LRP2: variants seen among roughly 807,000 people sequenced by gnomAD.
The protein encoded by LRP2 is low-density lipoprotein receptor-related protein 2.
In LRP2, 172 loss-of-function variants were observed where a neutral mutation model predicts 531.0. The observed-to-expected ratio is 0.32, with a 90% CI of 0.29 to 0.37. The LOEUF (loss-of-function observed/expected upper bound fraction) is 0.37, where lower values mean the gene tolerates loss of function less well. LRP2 is among the 10% of genes least tolerant of loss of function. LRP2 has a pLI of 1.00. For missense variants in LRP2, 5,167 were observed against 5,868.3 expected (o/e 0.88, Z 3.90); for synonymous variants, 1,992 against 2,027.6 (o/e 0.98, Z 0.47).
At chr2:169,160,685 A>AAAAAAAAAAAAAAAAAAAAACAC (rs970862922) in intron 63 of LRP2, among the ~76,000 whole-genome samples, 1 of 94,234 alleles carries the variant, frequency 1.1e-5, no homozygotes, top group Non-Finnish European at 2.2e-5. Flanking sequence ...ATTTCCTTAA[A>AAAAAAAAAAAAAAAAAAAAACAC]AAAAAAAAAA....
intron 1 of LRP2, among the ~76,000 whole-genome samples, chr2:169,353,039 T>C (rs920045958): frequency 1.3e-5 from 2 of 152,114 alleles, no homozygotes; most frequent in Non-Finnish European, 2.9e-5. Context: ...GAAAGTAAAA[T>C]AAAATAAAAT....
At chr2:169,282,530 G>A (rs535538573) in intron 10 of LRP2, among the ~76,000 whole-genome samples, 1 of 152,146 alleles carries the variant, frequency 6.6e-6, no homozygotes, top group Admixed American at 6.5e-5. Context: ...TTTTGTGGTA[G>A]GTAATTAATT....
intron 77 of LRP2, among the ~76,000 whole-genome samples, chr2:169,129,574 C>T (rs1247197317): frequency 6.6e-6 from 1 of 152,194 alleles, no homozygotes; most frequent in African/African-American, 2.4e-5. Flanking sequence ...ATAATAATAA[C>T]AAAAACATCT....
At chr2:169,216,154 G>T in intron 35 of LRP2, 99 bp downstream of exon 35, 1 of 1,285,838 alleles carries the variant, frequency 7.8e-7, no homozygotes, top group African/African-American at 1.5e-5. Context: ...AAGTTACCAA[G>T]TAAGATTGTT....
intron 61 of LRP2, 90 bp from the exon 62 acceptor site, chr2:169,166,144 T>G: frequency 1.4e-6 from 2 of 1,382,464 alleles, no homozygotes; most frequent in Non-Finnish European, 1.0e-6. Flanking sequence ...GCACCAGGCT[T>G]GCTTCATTCA....
At chr2:169,220,119 A>C (rs1489541130) in intron 34 of LRP2, among the ~76,000 whole-genome samples, 1 of 152,192 alleles carries the variant, frequency 6.6e-6, no homozygotes, top group Non-Finnish European at 1.5e-5. Flanking sequence ...CAAATGTTAC[A>C]TAATCCCTTA....
intron 22 of LRP2, 131 bp from the exon 23 acceptor site, chr2:169,243,653 G>T: frequency 9.6e-7 from 1 of 1,040,446 alleles, no homozygotes; most frequent in Non-Finnish European, 1.5e-6. Flanking sequence ...TTTTGAATCA[G>T]CCACACTATC....
intron 1 of LRP2, among the ~76,000 whole-genome samples, chr2:169,346,429 G>GA (rs889919172): frequency 1.0e-4 from 15 of 150,612 alleles, no homozygotes; most frequent in East Asian, 7.8e-4. Flanking sequence ...AAGTGACCTT[G>GA]AAAAAAAAAT....
At chr2:169,179,151 C>T (rs1290395786) in intron 52 of LRP2, among the ~76,000 whole-genome samples, 1 of 152,002 alleles carries the variant, frequency 6.6e-6, no homozygotes, top group Non-Finnish European at 1.5e-5. Flanking sequence ...CTGGGACAGG[C>T]AGGTGCCAGC....
At chr2:169,204,847 C>A (rs1194075759) in intron 41 of LRP2, among the ~76,000 whole-genome samples, 2 of 152,168 alleles carry the variant, frequency 1.3e-5, no homozygotes, top group African/African-American at 2.4e-5. Flanking sequence ...AAAATCATTT[C>A]ATCCCTTCAA....
At chr2:169,199,415 T>A (rs1688112895) in intron 44 of LRP2, among the ~76,000 whole-genome samples, 1 of 152,108 alleles carries the variant, frequency 6.6e-6, no homozygotes, top group South Asian at 2.1e-4. Context: ...GATGCTTATA[T>A]TAAAAACAAT....
intron 32 of LRP2, 49 bp from the exon 33 acceptor site, chr2:169,225,502 T>C: frequency 6.2e-7 from 1 of 1,608,720 alleles, no homozygotes; most frequent in Non-Finnish European, 8.5e-7. Flanking sequence ...CCATGGCTCC[T>C]ACAAAAGAAC....
intron 21 of LRP2, 53 bp from the exon 22 acceptor site, chr2:169,244,985 A>G (rs1287282873): frequency 2.6e-5 from 42 of 1,609,490 alleles, no homozygotes; most frequent in Non-Finnish European, 3.4e-5. Context: ...AGCCTTTTAA[A>G]TGAGTTCTTG....
chr2:169,351,717 T>C (rs1459121062), intron 1 of LRP2, among the ~76,000 whole-genome samples: 2 of 152,194 alleles, frequency 1.3e-5, no homozygotes, highest in Admixed American at 6.5e-5. Flanking sequence ...AAGCTTGAGA[T>C]TGGCTTCATG....
intron 55 of LRP2, 117 bp downstream of exon 55, chr2:169,175,076 C>T: frequency 1.0e-6 from 1 of 952,430 alleles, no homozygotes; most frequent in Non-Finnish European, 1.7e-6. Context: ...CCTGAGTTTC[C>T]TTCTAGGACT....
In LRP2 at chr2:169,271,050, G is replaced by A. The variant is rs751817332; in HGVS notation, c.2174C>T (p.Thr725Ile). The change falls in exon 16 of 79, where the codon ACC becomes ATC. Residue 725 changes from threonine to isoleucine, a missense_variant. Physicochemically the swap from Thr to Ile is moderately conservative, Grantham distance 89. Coordinates refer to ENST00000649046, the MANE Select transcript of LRP2 (RefSeq NM_004525.3). Reference protein sequence around the residue: ...SQVAIRGIPFTLSTQEDVMVP... With the variant: ...SQVAIRGIPFILSTQEDVMVP... Reference sequence around the variant, plus strand: ...CATGACATCTTCCTGGGTAGACAAGGTGAACGGGATCCCACGAATAGCAAC... The same window carrying A: ...CATGACATCTTCCTGGGTAGACAAGATGAACGGGATCCCACGAATAGCAAC... 3.8e-5 allele frequency: 62 copies of A among 1,613,104 alleles called. No homozygotes were observed. The highest frequency in any genetic ancestry group is 3.0e-4 in the Admixed American group (18 of 59,858).
intron 33 of LRP2, among the ~76,000 whole-genome samples, chr2:169,222,676 TTAAC>T (rs1440694893): frequency 1.3e-5 from 2 of 152,210 alleles, no homozygotes; most frequent in Non-Finnish European, 2.9e-5. Flanking sequence ...TGGTAAGAGA[TTAAC>T]CATAATCTGA....
intron 1 of LRP2, among the ~76,000 whole-genome samples, chr2:169,327,134 G>C (rs1388119134): frequency 7.1e-6 from 1 of 140,492 alleles, no homozygotes; most frequent in African/African-American, 2.5e-5. Flanking sequence ...GGAGGGAGGT[G>C]GGGGGGTCAG....
Position 169,152,535 on chromosome 2 carries a change from T to G in LRP2, c.12461+264A>C, listed in dbSNP as rs539810421. 1.2e-4 allele frequency among the ~76,000 whole-genome samples: 18 copies of G among 152,294 alleles called. No homozygotes were observed. The South Asian group carries it at 3.7e-3, about 32-fold the overall frequency. Reference sequence around the variant, plus strand: ...TCACTATTATATCCTAGATATAATATCTATATCCAGATATTGACCTGGGTG... The same window carrying G: ...TCACTATTATATCCTAGATATAATAGCTATATCCAGATATTGACCTGGGTG... On this transcript the variant is annotated intron_variant, in intron 67 of 78. Transcript: ENST00000649046.
Sources: allele counts gnomAD v4.1 joint callset (sites outside exome capture counted in the v4.1 genomes callset), GRCh38; gene constraint gnomAD v4.1.1; transcripts MANE v1.5; gene names NCBI Gene and HGNC (gene_info 2026-07-23, HGNC 2026-07-21).